DNAH3: variants seen among roughly 807,000 people sequenced by gnomAD.
The protein encoded by DNAH3 is axonemal beta dynein heavy chain 3.
A neutral mutation model predicts 432.5 loss-of-function variants in DNAH3; 332 were observed. The observed-to-expected ratio is 0.77, with a 90% confidence interval of 0.70 to 0.84. The LOEUF is 0.84. DNAH3 is among the 40% of genes least tolerant of loss of function. The pLI is 0.00. For missense variants in DNAH3, 4,861 were observed against 5,114.0 expected (o/e 0.95, Z 1.51); for synonymous variants, 1,956 against 1,900.2 (o/e 1.03, Z -0.76).
At chr16:21,137,049 G>C (rs921029646) in intron 5 of DNAH3, among the ~76,000 whole-genome samples, 2 of 152,056 alleles carry the variant, frequency 1.3e-5, no homozygotes, top group Non-Finnish European at 2.9e-5. Flanking sequence ...CAGGAAAATT[G>C]CTGGAACCCA....
chr16:20,983,254 T>C (rs1230991081), intron 48 of DNAH3, among the ~76,000 whole-genome samples: 3 of 152,200 alleles, frequency 2.0e-5, no homozygotes, highest in African/African-American at 7.2e-5. Flanking sequence ...GCTTCCTGAG[T>C]AGCTGGGACT....
At position 20,991,873 on chromosome 16, in the gene DNAH3, T is replaced by C. The variant is rs536760325; in HGVS notation, c.6602-3808A>G. 2.6e-5 allele frequency among the ~76,000 whole-genome samples: 4 copies of C among 152,344 alleles called. No homozygotes were observed. The South Asian group carries it at 8.3e-4, about 32-fold the overall frequency. On this transcript the variant is annotated intron_variant, in intron 44 of 61. Transcript: ENST00000261383. ...TTTCTCCTTTTGTAATGTTGGTAGCTACTGATGCTCAATGGCTACATCCAT... is the reference window on the plus strand; with the variant it reads ...TTTCTCCTTTTGTAATGTTGGTAGCCACTGATGCTCAATGGCTACATCCAT...
At chr16:21,154,053 CT>C (rs1177218341) in intron 1 of DNAH3, among the ~76,000 whole-genome samples, 8 of 152,204 alleles carry the variant, frequency 5.3e-5, no homozygotes, top group Non-Finnish European at 8.8e-5. Flanking sequence ...GTCTCCTATA[CT>C]GGGTGTGAAA....
Position 21,054,406 on chromosome 16 carries a change from G to GC in DNAH3, c.4039+13dup. 1.3e-6 allele frequency: 2 copies of GC among 1,592,030 alleles called. No individual in the cohort carries two copies. Among genetic ancestry groups the GC allele is most frequent in the African/African-American group, 1.3e-5 (1 of 74,626 alleles). On this transcript the variant is annotated intron_variant, in intron 28 of 61. Coordinates refer to ENST00000261383, the Ensembl canonical transcript of DNAH3. ...TGGATAGTCAGTAATGACAGGGGAAGCCCCCTGGCTTACCGTGGACATCGA... is the reference window on the plus strand; with the variant it reads ...TGGATAGTCAGTAATGACAGGGGAAGCCCCCCTGGCTTACCGTGGACATCGA...
At chr16:21,152,631 G>C (rs907133739) in intron 1 of DNAH3, among the ~76,000 whole-genome samples, 23 of 152,364 alleles carry the variant, frequency 1.5e-4, no homozygotes, top group African/African-American at 5.0e-4. Flanking sequence ...GCTGCGCACG[G>C]CGCTTGCGGG....
intron 35 of DNAH3, among the ~76,000 whole-genome samples, chr16:21,034,573 G>A (rs2089068080): frequency 6.6e-6 from 1 of 152,104 alleles, no homozygotes. Context: ...TGTTTCTCCT[G>A]GAAACTTTCT....
intron 52 of DNAH3, among the ~76,000 whole-genome samples, chr16:20,969,288 GTGCATGTGTGTGTGTGTGTGCATGCA>G (rs1458252930): frequency 6.0e-5 from 9 of 149,876 alleles, no homozygotes; most frequent in Non-Finnish European, 8.9e-5. Flanking sequence ...ATGCATGTGT[GTGCATGTGTGTGTGTGTGTGCATGCA>G]TGCATGCGTG....
chr16:21,023,809 G>GTGTGTA (rs71816633), intron 39 of DNAH3, among the ~76,000 whole-genome samples: 1 of 151,890 alleles, frequency 6.6e-6, no homozygotes, highest in African/African-American at 2.4e-5. Flanking sequence ...GTGTGTGTGT[G>GTGTGTA]TGTGTGTGTG....
At chr16:20,988,534 C>T (rs1228812547) in intron 44 of DNAH3, among the ~76,000 whole-genome samples, 1 of 152,198 alleles carries the variant, frequency 6.6e-6, no homozygotes, top group African/African-American at 2.4e-5. Flanking sequence ...CCAGCCTCAG[C>T]CTCCAGAGTA....
At chr16:21,147,146 C>T (rs1190422275) in intron 1 of DNAH3, among the ~76,000 whole-genome samples, 1 of 152,050 alleles carries the variant, frequency 6.6e-6, no homozygotes, top group Non-Finnish European at 1.5e-5. Flanking sequence ...GTGGAAGAGC[C>T]CAAATTCTGA....
intron 23 of DNAH3, among the ~76,000 whole-genome samples, chr16:21,068,958 T>C (rs1269742417): frequency 6.6e-6 from 1 of 151,932 alleles, no homozygotes; most frequent in Non-Finnish European, 1.5e-5. Context: ...GGAGTCTTGC[T>C]CTCTCTCCCA....
chr16:21,070,915 G>C, intron 21 of DNAH3, 89 bp from the exon 22 acceptor site: 1 of 821,890 alleles, frequency 1.2e-6, no homozygotes, highest in South Asian at 1.5e-5. Flanking sequence ...TTTGAGACAG[G>C]GTCTCCTCAC....
At chr16:21,136,600 A>C in intron 5 of DNAH3, 87 bp from the exon 7 acceptor site, 1 of 1,211,580 alleles carries the variant, frequency 8.3e-7, no homozygotes, top group South Asian at 1.3e-5. Flanking sequence ...AAGGGACCCC[A>C]TTCATACAGC....
At chr16:21,049,545 T>C (rs2089864360) in intron 31 of DNAH3, 24 bp downstream of exon 31, 1 of 1,603,966 alleles carries the variant, frequency 6.2e-7, no homozygotes, top group African/African-American at 1.3e-5. Context: ...GCTTCTTTGT[T>C]CTGCAGCCTA....
At chr16:21,024,723 T>A (rs747153613) in intron 38 of DNAH3, 22 bp from the exon 39 acceptor site, 5 of 1,571,050 alleles carry the variant, frequency 3.2e-6, no homozygotes, top group Admixed American at 1.7e-5. Context: ...AGAGGACCAG[T>A]TTAGGTGCTC....
chr16:20,988,495 A>C (rs1296557793), intron 44 of DNAH3, among the ~76,000 whole-genome samples: 1 of 151,862 alleles, frequency 6.6e-6, no homozygotes, highest in African/African-American at 2.4e-5. Context: ...GTTCACTGCA[A>C]CCTCCGCCTC....
At chr16:21,136,243 G>C in intron 6 of DNAH3, 81 bp downstream of exon 7, 1 of 1,358,654 alleles carries the variant, frequency 7.4e-7, no homozygotes, top group Non-Finnish European at 1.0e-6. Flanking sequence ...GCAAGACCTT[G>C]TCTCTACAAA....
chr16:21,117,461 C>T (rs1597411043), intron 11 of DNAH3, 122 bp from the exon 12 acceptor site: 1 of 674,406 alleles, frequency 1.5e-6, no homozygotes, highest in Non-Finnish European at 2.6e-6. Flanking sequence ...ACTCTATTTC[C>T]TCTTAGATAG....
At chr16:21,140,592 G>T (rs72780891) in exon 5 of DNAH3, 323,775 of 1,613,678 alleles carry the variant, frequency 0.2, 33,680 homozygotes, top group South Asian at 0.26. Context: ...ATCTCCTGCT[G>T]TAACATGACA....
Sources: gnomAD v4.1 joint callset for allele counts (sites outside exome capture counted in the v4.1 genomes callset) on GRCh38, gnomAD v4.1.1 for gene constraint, MANE v1.5 for transcripts, NCBI Gene and HGNC (gene_info 2026-07-23, HGNC 2026-07-21) for gene names.